The following DTD1 variants were observed in gnomAD, a reference collection of about 807,000 sequenced individuals.
The protein encoded by DTD1 is D-aminoacyl-tRNA deacylase 1.
DTD1 carries 13 observed loss-of-function variants against 25.6 expected under a neutral mutation model. The observed-to-expected ratio is 0.51, with a 90% CI of 0.33 to 0.81. The LOEUF (loss-of-function observed/expected upper bound fraction) is 0.81, where lower values mean the gene tolerates loss of function less well. Among genes scored for constraint, DTD1 ranks in the 30% least tolerant of loss-of-function variants. DTD1 has a pLI of 0.02. For missense variants in DTD1, 193 were observed against 266.4 expected (o/e 0.72, Z 1.92); for synonymous variants, 110 against 103.6 (o/e 1.06, Z -0.37).
At chr20:18,661,010 C>T (rs1281415227) in intron 4 of DTD1, among the ~76,000 whole-genome samples, 1 of 152,170 alleles carries the variant, frequency 6.6e-6, no homozygotes, top group African/African-American at 2.4e-5. Flanking sequence ...TCTTGTTGAT[C>T]CAGCACTGTC....
chr20:18,733,680 A>G (rs768122272), intron 4 of DTD1, among the ~76,000 whole-genome samples: 2 of 152,238 alleles, frequency 1.3e-5, no homozygotes, highest in Admixed American at 6.5e-5. Context: ...TTATTTTTGC[A>G]TACTTAAAAG....
At chr20:18,647,413 G>T (rs1356972789) in intron 4 of DTD1, among the ~76,000 whole-genome samples, 1 of 152,182 alleles carries the variant, frequency 6.6e-6, no homozygotes, top group East Asian at 1.9e-4. Flanking sequence ...GGTGCTGAGG[G>T]AGTGAGTGGA....
chr20:18,614,480 G>A (rs1490890436), intron 3 of DTD1, among the ~76,000 whole-genome samples: 2 of 152,212 alleles, frequency 1.3e-5, no homozygotes, highest in Admixed American at 1.3e-4. Context: ...TAAAGCCGCT[G>A]GAGTATCCAG....
At chr20:18,655,372 T>C (rs530102303) in intron 4 of DTD1, among the ~76,000 whole-genome samples, 1 of 152,350 alleles carries the variant, frequency 6.6e-6, no homozygotes, top group South Asian at 2.1e-4. Flanking sequence ...TATGAGTTAG[T>C]TTTCTCGCTT....
intron 4 of DTD1, among the ~76,000 whole-genome samples, chr20:18,739,721 T>A (rs1405835756): frequency 6.6e-6 from 1 of 150,630 alleles, no homozygotes; most frequent in Non-Finnish European, 1.5e-5. Context: ...TTTCTTTTCT[T>A]CTTCTTTTTT....
At chr20:18,667,932 G>A (rs1206612713) in intron 4 of DTD1, among the ~76,000 whole-genome samples, 1 of 152,164 alleles carries the variant, frequency 6.6e-6, no homozygotes, top group Non-Finnish European at 1.5e-5. Context: ...AATGACTTGC[G>A]TATCCCAAAT....
rs144214306 is a variant in DTD1 at position 18,669,716 on chromosome 20, A to G, written c.477+41483A>G. On this transcript the variant is annotated intron_variant, in intron 4 of 5. Coordinates refer to ENST00000377452, the MANE Select transcript of DTD1 (RefSeq NM_080820.6). ...CCATTTTGTGTGTGTGTGACTGCTG[A>G]ACTTGAGGCCTTATCACTCCAAACT... 4.8e-3 allele frequency among the ~76,000 whole-genome samples: 726 copies of G among 152,172 alleles called. 8 individuals carry two copies. The highest frequency in any genetic ancestry group is 0.017 in the African/African-American group (702 of 41,514).
At chr20:18,588,441 G>A (rs1224895440) in intron 1 of DTD1, among the ~76,000 whole-genome samples, 3 of 152,244 alleles carry the variant, frequency 2.0e-5, no homozygotes, top group African/African-American at 7.2e-5. Flanking sequence ...GAGCATCTCC[G>A]TGGTCCGCTC....
chr20:18,662,125 C>T (rs1028872601), intron 4 of DTD1, among the ~76,000 whole-genome samples: 3 of 152,158 alleles, frequency 2.0e-5, no homozygotes, highest in Non-Finnish European at 4.4e-5. Context: ...GCGGTCCAGC[C>T]TGGGTGACAG....
At chr20:18,718,929 C>T (rs904783609) in intron 4 of DTD1, among the ~76,000 whole-genome samples, 13 of 152,192 alleles carry the variant, frequency 8.5e-5, no homozygotes, top group Admixed American at 2.6e-4. Flanking sequence ...ACACCTTCTG[C>T]CCTGAGCAGA....
chr20:18,760,803 C>A (rs1222876793), intron 5 of DTD1, among the ~76,000 whole-genome samples: 1 of 152,208 alleles, frequency 6.6e-6, no homozygotes, highest in African/African-American at 2.4e-5. Context: ...TTTCTGCTGC[C>A]TTTTGTTTGT....
intron 2 of DTD1, among the ~76,000 whole-genome samples, chr20:18,595,144 A>AG (rs1285353211): frequency 2.6e-5 from 4 of 152,224 alleles, no homozygotes; most frequent in Non-Finnish European, 5.9e-5. Flanking sequence ...TCACATGTAT[A>AG]GGGAAAGCCC....
At chr20:18,761,299 C>A (rs564677241) in intron 5 of DTD1, among the ~76,000 whole-genome samples, 2 of 152,110 alleles carry the variant, frequency 1.3e-5, no homozygotes, top group African/African-American at 4.8e-5. Flanking sequence ...AGAAATCATT[C>A]GTCTTCTGCG....
At chr20:18,621,696 G>A (rs542105717) in intron 3 of DTD1, among the ~76,000 whole-genome samples, 2 of 152,114 alleles carry the variant, frequency 1.3e-5, no homozygotes, top group South Asian at 4.2e-4. Context: ...AAAATGGCTG[G>A]GTGAATCTCA....
intron 4 of DTD1, among the ~76,000 whole-genome samples, chr20:18,654,415 C>G (rs966933272): frequency 1.3e-5 from 2 of 152,174 alleles, no homozygotes; most frequent in African/African-American, 4.8e-5. Flanking sequence ...AAAGAAATTA[C>G]CTGGTCTTGA....
intron 4 of DTD1, among the ~76,000 whole-genome samples, chr20:18,720,405 T>C (rs768636949): frequency 6.6e-6 from 1 of 152,238 alleles, no homozygotes; most frequent in Non-Finnish European, 1.5e-5. Flanking sequence ...TTAGAGAAGA[T>C]AAACTTAGCT....
At chr20:18,621,872 G>A (rs1026670219) in intron 3 of DTD1, among the ~76,000 whole-genome samples, 15 of 152,122 alleles carry the variant, frequency 9.9e-5, no homozygotes, top group Non-Finnish European at 1.9e-4. Flanking sequence ...AGACTATCCT[G>A]GCTAACACGG....
chr20:18,732,916 G>A lies in DTD1; in HGVS notation c.478-11184G>A, dbSNP rs76269169. ...TGTAGACACGTAAACCAATGTAAGC[G>A]TCTGGTTAAGAGAGGGCCAGATAAT... is the stretch of plus-strand genomic sequence containing the variant. On this transcript the variant is annotated intron_variant, in intron 4 of 5. Coordinates refer to ENST00000377452, the MANE Select transcript of DTD1 (RefSeq NM_080820.6). 9.1e-3 allele frequency among the ~76,000 whole-genome samples: 1,382 copies of A among 152,292 alleles called. 9 individuals carry two copies. Among genetic ancestry groups the A allele is most frequent in the Non-Finnish European group, 0.012 (850 of 68,026 alleles).
At chr20:18,624,590 A>C (rs536941049) in intron 3 of DTD1, among the ~76,000 whole-genome samples, 4 of 152,272 alleles carry the variant, frequency 2.6e-5, no homozygotes, top group African/African-American at 7.2e-5. Context: ...TGTGTCATAC[A>C]GGTGTCCTTG....
Sources: allele counts gnomAD v4.1 joint callset (sites outside exome capture counted in the v4.1 genomes callset), GRCh38; gene constraint gnomAD v4.1.1; transcripts MANE v1.5; gene names NCBI Gene and HGNC (gene_info 2026-07-23, HGNC 2026-07-21).